RASSF2: variants seen among roughly 807,000 people sequenced by gnomAD.
The protein encoded by RASSF2 is ras association domain-containing protein 2.
A neutral mutation model predicts 46.3 loss-of-function variants in RASSF2; 34 were observed. The ratio of observed to expected loss-of-function variants is 0.73; its 90% confidence interval spans 0.56 to 0.98. RASSF2 has a LOEUF of 0.98. Among genes scored for constraint, RASSF2 ranks in the 50% least tolerant of loss-of-function variants. RASSF2 has a pLI of 0.00. For synonymous variants in RASSF2, 158 were observed against 162.5 expected (o/e 0.97, Z 0.21); for missense variants, 364 against 431.2 (o/e 0.84, Z 1.38).
At chr20:4,796,902 G>A (rs723559) in intron 4 of RASSF2, among the ~76,000 whole-genome samples, 24,928 of 152,016 alleles carry the variant, frequency 0.16, 2,162 homozygotes, top group East Asian at 0.3. Context: ...AACCTTTTTG[G>A]AGCCATGTTT....
rs1353045800 is a variant in RASSF2 at position 4,812,556 on chromosome 20, A to G, written c.-33+9773T>C. On this transcript the variant is annotated intron_variant, in intron 2 of 11. Transcript: ENST00000379400. The surrounding 1 kb of genome is among the most constrained non-coding windows in gnomAD (Gnocchi z 4.0). ...TTCTCCCACTTGAGTGTGTATTGGA[A>G]TCTCTCCGAGGGCTCGTTAAAATAC... is the stretch of plus-strand genomic sequence containing the variant. Among the ~76,000 whole-genome samples the G allele has an allele frequency of 6.6e-6, 1 of 152,168 alleles. No individual in the cohort carries two copies. The highest frequency in any genetic ancestry group is 1.5e-5 in the Non-Finnish European group (1 of 68,026).
chr20:4,786,205 C>G, intron 11 of RASSF2, 26 bp downstream of exon 11: 1 of 1,560,676 alleles, frequency 6.4e-7, no homozygotes. Flanking sequence ...GAGAAGTGCA[C>G]CCAGTGCCCC....
At chr20:4,806,412 A>G (rs1302281116) in intron 2 of RASSF2, among the ~76,000 whole-genome samples, 1 of 152,078 alleles carries the variant, frequency 6.6e-6, no homozygotes, top group Non-Finnish European at 1.5e-5. Context: ...ATGTTATTCT[A>G]TCTTTCTTTG....
chr20:4,793,351 T>C (rs3787447), intron 5 of RASSF2, among the ~76,000 whole-genome samples: 1 of 152,186 alleles, frequency 6.6e-6, no homozygotes, highest in Non-Finnish European at 1.5e-5. Flanking sequence ...AGAATCATAT[T>C]TGACCAATTA....
chr20:4,799,416 C>T (rs926949990), intron 3 of RASSF2, among the ~76,000 whole-genome samples: 2 of 152,188 alleles, frequency 1.3e-5, no homozygotes, highest in African/African-American at 4.8e-5. Flanking sequence ...TGGAGGGGGC[C>T]ACTGTGCGCT....
intron 2 of RASSF2, among the ~76,000 whole-genome samples, chr20:4,821,718 G>T (rs144373927): frequency 6.6e-6 from 1 of 152,152 alleles, no homozygotes. Context: ...CAGGCTGCAC[G>T]CTATGCCTCC....
In RASSF2 at chr20:4,798,853, A is replaced by C. The variant is rs560376156; in HGVS notation, c.60-768T>G. On this transcript the variant is annotated intron_variant, in intron 3 of 11. Transcript: ENST00000379400. ...AAAAACAAACAAACAAACAAAAAAA[A>C]AAAAACTTGCAAACTCCCATCAGCA... Among the ~76,000 whole-genome samples the C allele has an allele frequency of 3.4e-3, 448 of 132,322 alleles. 1 individual carries two copies. The highest frequency in any genetic ancestry group is 0.012 in the African/African-American group (389 of 32,990). 86.8% of individuals were successfully genotyped at this position (132,322 alleles called of 152,430 possible). A position where few individuals can be genotyped will look rare whatever the true frequency, so the allele number is the denominator to read the frequency against.
intron 3 of RASSF2, among the ~76,000 whole-genome samples, chr20:4,798,979 T>G (rs1358335456): frequency 6.6e-6 from 1 of 152,002 alleles, no homozygotes; most frequent in Non-Finnish European, 1.5e-5. Context: ...GTGTGACTCA[T>G]GGGAATTATA....
At chr20:4,803,549 T>C (rs908536632) in intron 2 of RASSF2, among the ~76,000 whole-genome samples, 1 of 151,864 alleles carries the variant, frequency 6.6e-6, no homozygotes, top group Non-Finnish European at 1.5e-5. Flanking sequence ...AGGCCAGGAG[T>C]TCGAGACCAG....
intron 2 of RASSF2, among the ~76,000 whole-genome samples, chr20:4,816,020 G>A (rs977909372): frequency 2.6e-5 from 4 of 152,178 alleles, no homozygotes; most frequent in African/African-American, 9.7e-5. Context: ...TTTAAATATA[G>A]GTCAGGTTCC....
At chr20:4,796,696 C>G (rs147363674) in intron 4 of RASSF2, among the ~76,000 whole-genome samples, 149 of 152,346 alleles carry the variant, frequency 9.8e-4, no homozygotes, top group African/African-American at 3.5e-3. Flanking sequence ...TTTATATGTT[C>G]TATCCCGAAG....
Position 4,795,667 on chromosome 20 carries a change from CCAAGGCTAAGG to C in RASSF2, c.287+137_287+147del, listed in dbSNP as rs1355052556. ...CCACATCTGCTGCTTGTTCCTCATT[CCAAGGCTAAGG>C]CAGGTGGGCAGTAGAGGTAGTAGGA... On this transcript the variant is annotated intron_variant, in intron 5 of 11. Transcript: ENST00000379400. The surrounding 1 kb of genome is among the most constrained non-coding windows in gnomAD (Gnocchi z 4.0). 1.0e-6 allele frequency: 1 copy of C among 980,186 alleles called. No individual in the cohort carries two copies. The highest frequency in any genetic ancestry group is 1.7e-5 in the African/African-American group (1 of 59,232). 60.7% of individuals were successfully genotyped at this position (980,186 alleles called of 1,614,324 possible).
At chr20:4,800,734 T>C (rs1409456581) in intron 3 of RASSF2, among the ~76,000 whole-genome samples, 1 of 152,090 alleles carries the variant, frequency 6.6e-6, no homozygotes, top group East Asian at 1.9e-4. Flanking sequence ...AGTTTCTGCG[T>C]CTTGACTTCC....
In RASSF2 at chr20:4,792,521, C is replaced by T. The variant is rs557133094; in HGVS notation, c.376+18G>A. 6.2e-7 allele frequency: 1 copy of T among 1,614,000 alleles called. No individual in the cohort carries two copies. The highest frequency in any genetic ancestry group is 2.2e-5 in the East Asian group (1 of 44,876). ...CACAGTTGGTCCCTAGCTGGAAGTA[C>T]CTTCCACTCACATGTACCTGTGGAG... On this transcript the variant is annotated intron_variant, in intron 6 of 11. Coordinates refer to ENST00000379400, the MANE Select transcript of RASSF2 (RefSeq NM_014737.3).
intron 9 of RASSF2, 54 bp from the exon 10 acceptor site, chr20:4,787,808 A>T: frequency 6.3e-7 from 1 of 1,587,318 alleles, no homozygotes; most frequent in African/African-American, 1.6e-5. Flanking sequence ...CACATTAAGT[A>T]GTGGTTAATG....
At chr20:4,813,133 C>T (rs563732768) in intron 2 of RASSF2, among the ~76,000 whole-genome samples, 50 of 152,246 alleles carry the variant, frequency 3.3e-4, no homozygotes, top group South Asian at 1.0e-3. Context: ...TCACAGGCCC[C>T]GCAGACCATC....
At chr20:4,820,627 G>C (rs533958685) in intron 2 of RASSF2, among the ~76,000 whole-genome samples, 11 of 152,328 alleles carry the variant, frequency 7.2e-5, no homozygotes, top group African/African-American at 2.6e-4. Context: ...GTTGTGAAGA[G>C]TATTAGGGAG....
At position 4,795,120 on chromosome 20, in the gene RASSF2, A is replaced by T. The variant is rs1445102886; in HGVS notation, c.287+695T>A. 6.6e-6 allele frequency: 1 copy of T among 152,244 alleles called. No homozygotes were observed. Among genetic ancestry groups the T allele is most frequent in the African/African-American group, 2.4e-5 (1 of 41,456 alleles). The allele number at this position is 152,244 out of a possible 1,614,324, so 9.4% of individuals were successfully genotyped here. A position where few individuals can be genotyped will look rare whatever the true frequency, so the allele number is the denominator to read the frequency against. On this transcript the variant is annotated intron_variant, in intron 5 of 11. Transcript: ENST00000379400. The surrounding 1 kb of genome is among the most constrained non-coding windows in gnomAD (Gnocchi z 4.0). ...TGATCCTAAAACTCAAGTCCCAGAA[A>T]GACAATAAAGAGGGCATGCCTTGCT...
intron 2 of RASSF2, among the ~76,000 whole-genome samples, chr20:4,809,915 C>T (rs766027929): frequency 2.8e-4 from 42 of 152,200 alleles, no homozygotes; most frequent in Non-Finnish European, 4.7e-4. Flanking sequence ...GCATGTCAAT[C>T]ATTGGCAGAG....
Sources: allele counts gnomAD v4.1 joint callset (sites outside exome capture counted in the v4.1 genomes callset), GRCh38; gene constraint gnomAD v4.1.1; non-coding constraint Gnocchi (gnomAD v3.1); transcripts MANE v1.5; gene names NCBI Gene and HGNC (gene_info 2026-07-23, HGNC 2026-07-21).